GALNT13: variants seen among roughly 807,000 people sequenced by gnomAD.
GALNT13 encodes the protein polypeptide N-acetylgalactosaminyltransferase 13, also known as UDP-GalNAc:polypeptide N-acetylgalactosaminyltransferase 13.
A neutral mutation model predicts 64.2 loss-of-function variants in GALNT13; 28 were observed. The observed-to-expected ratio is 0.44, with a 90% CI of 0.32 to 0.60. The LOEUF (loss-of-function observed/expected upper bound fraction) is 0.60, where lower values mean the gene tolerates loss of function less well. Among genes scored for constraint, GALNT13 ranks in the 20% least tolerant of loss-of-function variants. The pLI, the probability that GALNT13 is intolerant of heterozygous loss-of-function variation, is 0.05. For missense variants in GALNT13, 577 were observed against 669.8 expected (o/e 0.86, Z 1.53); for synonymous variants, 214 against 224.6 (o/e 0.95, Z 0.42).
At chr2:154,097,505 A>C (rs1043597172) in intron 3 of GALNT13, among the ~76,000 whole-genome samples, 1 of 152,120 alleles carries the variant, frequency 6.6e-6, no homozygotes, top group African/African-American at 2.4e-5. Context: ...GATAATATAC[A>C]CTGTTTATTA....
intron 3 of GALNT13, among the ~76,000 whole-genome samples, chr2:154,013,181 T>G (rs1053304759): frequency 7.9e-5 from 12 of 151,370 alleles, no homozygotes; most frequent in Admixed American, 1.3e-4. Context: ...TGGGCTGATG[T>G]TCTTTAATCT....
downstream of GALNT13, among the ~76,000 whole-genome samples, chr2:154,454,214 A>AGAT (rs2105515832): frequency 6.6e-6 from 1 of 152,330 alleles, no homozygotes; most frequent in African/African-American, 2.4e-5. Context: ...CTCTGTTTAT[A>AGAT]GATAATAAGA....
Position 154,194,135 on chromosome 2 carries a change from ATG to A in GALNT13, c.312-47891_312-47890del, listed in dbSNP as rs535559216. ...AGAACCTCAAGAGGTAAGTCTCATC[ATG>A]TGTTTTTTTTCTTTTAAAGTTCCAA... On this transcript the variant is annotated intron_variant, in intron 4 of 12. Transcript: ENST00000392825. 2.7e-3 allele frequency among the ~76,000 whole-genome samples: 413 copies of A among 152,276 alleles called. 4 individuals are homozygous for A. Among genetic ancestry groups the A allele is most frequent in the African/African-American group, 9.8e-3 (409 of 41,534 alleles).
chr2:153,227,259 T>C, the GALNT13 span, among the ~76,000 whole-genome samples: 1 of 152,230 alleles, frequency 6.6e-6, no homozygotes, highest in African/African-American at 2.4e-5. Flanking sequence ...TAGTATTCTC[T>C]AGGACCTCCA....
chr2:153,139,391 C>T, the GALNT13 span, among the ~76,000 whole-genome samples: 1 of 151,920 alleles, frequency 6.6e-6, no homozygotes, highest in Non-Finnish European at 1.5e-5. Flanking sequence ...GATGAGGTCC[C>T]TGACTTTAAG....
intron 3 of GALNT13, among the ~76,000 whole-genome samples, chr2:154,098,374 T>G (rs7592121): frequency 0.18 from 27,693 of 151,848 alleles, 4,620 homozygotes; most frequent in East Asian, 0.74. Flanking sequence ...TTTCTTACCT[T>G]TTAAGTTGAC....
chr2:153,117,677 T>C, the GALNT13 span, among the ~76,000 whole-genome samples: 2 of 152,240 alleles, frequency 1.3e-5, no homozygotes, highest in Non-Finnish European at 2.9e-5. Context: ...TACATGTTGA[T>C]GTCTCCTAAA....
At chr2:153,114,333 T>C in the GALNT13 span, among the ~76,000 whole-genome samples, 13 of 152,138 alleles carry the variant, frequency 8.5e-5, 1 homozygote, top group African/African-American at 2.9e-4. Context: ...ACCAACCCCA[T>C]GGTTTCACTC....
chr2:154,015,315 A>G (rs1334134498), intron 3 of GALNT13, among the ~76,000 whole-genome samples: 1 of 152,250 alleles, frequency 6.6e-6, no homozygotes, highest in East Asian at 1.9e-4. Context: ...TAAAAATTTA[A>G]CAATAAAAAA....
At chr2:153,713,163 A>G in the GALNT13 span, among the ~76,000 whole-genome samples, 2 of 152,240 alleles carry the variant, frequency 1.3e-5, no homozygotes, top group Non-Finnish European at 2.9e-5. Context: ...TAGCTGGTAT[A>G]GTAATATTGT....
the GALNT13 span, among the ~76,000 whole-genome samples, chr2:153,846,655 T>G: frequency 6.6e-6 from 1 of 152,168 alleles, no homozygotes; most frequent in Non-Finnish European, 1.5e-5. Flanking sequence ...AATACACACT[T>G]GTTAAACAGT....
the GALNT13 span, among the ~76,000 whole-genome samples, chr2:153,722,033 C>A: frequency 2.7e-5 from 4 of 148,880 alleles, no homozygotes; most frequent in East Asian, 4.0e-4. Flanking sequence ...CACACCTATT[C>A]CAAAATTGAC....
chr2:153,489,093 T>C, the GALNT13 span, among the ~76,000 whole-genome samples: 19 of 151,742 alleles, frequency 1.3e-4, no homozygotes, highest in Non-Finnish European at 2.8e-4. Flanking sequence ...ACATAGGGAG[T>C]GGAATAATAG....
intron 3 of GALNT13, among the ~76,000 whole-genome samples, chr2:154,021,103 G>A (rs867203944): frequency 4.3e-4 from 65 of 152,246 alleles, no homozygotes; most frequent in African/African-American, 1.4e-3. Flanking sequence ...GGTTACTGTA[G>A]CCTTGTAGTA....
chr2:153,857,721 T>A, the GALNT13 span, among the ~76,000 whole-genome samples: 1 of 152,208 alleles, frequency 6.6e-6, no homozygotes, highest in Non-Finnish European at 1.5e-5. Flanking sequence ...TATCTGAAAC[T>A]TGGTGATTAA....
At chr2:153,083,375 C>G in the GALNT13 span, among the ~76,000 whole-genome samples, 2 of 152,146 alleles carry the variant, frequency 1.3e-5, no homozygotes, top group African/African-American at 4.8e-5. Flanking sequence ...AAAGTGCTCC[C>G]TTTTCCCCAC....
chr2:154,062,390 C>A (rs1238643898), intron 3 of GALNT13, among the ~76,000 whole-genome samples: 7 of 152,044 alleles, frequency 4.6e-5, no homozygotes, highest in Admixed American at 4.6e-4. Flanking sequence ...ATTCTCTTAT[C>A]TTTTCTTCTT....
chr2:153,601,834 A>G, the GALNT13 span, among the ~76,000 whole-genome samples: 2 of 151,936 alleles, frequency 1.3e-5, no homozygotes, highest in African/African-American at 4.8e-5. Context: ...TTAAATTCAA[A>G]GATAATATAT....
the GALNT13 span, among the ~76,000 whole-genome samples, chr2:153,191,802 A>G: frequency 6.6e-6 from 1 of 151,382 alleles, no homozygotes; most frequent in Non-Finnish European, 1.5e-5. Context: ...GGTTGTATGT[A>G]TTCAGAAATT....
Sources: allele counts gnomAD v4.1 joint callset (sites outside exome capture counted in the v4.1 genomes callset), GRCh38; gene constraint gnomAD v4.1.1; transcripts MANE v1.5; gene names NCBI Gene and HGNC (gene_info 2026-07-23, HGNC 2026-07-21).